Variants in ABHD2 observed in about 807,000 individuals in gnomAD.
ABHD2 encodes abhydrolase domain containing 2, acylglycerol lipase.
ABHD2 carries 20 observed loss-of-function variants against 48.1 expected under a neutral mutation model. That is an observed-to-expected ratio of 0.42 (90% confidence interval 0.29 to 0.60). The LOEUF (loss-of-function observed/expected upper bound fraction) is 0.60, where lower values mean the gene tolerates loss of function less well. Ranked by LOEUF, ABHD2 falls within the 20% of genes least tolerant of loss-of-function variation. The pLI is 0.24. For missense variants in ABHD2, 405 were observed against 550.9 expected (o/e 0.74, Z 2.65); for synonymous variants, 209 against 214.2 (o/e 0.98, Z 0.21).
Position 89,190,198 on chromosome 15 carries a change from C to T in ABHD2, c.927-882C>T, listed in dbSNP as rs75720528. 1.4e-4 allele frequency among the ~76,000 whole-genome samples: 22 copies of T among 152,320 alleles called. No homozygotes were observed. In the East Asian group the frequency reaches 4.2e-3, roughly 29 times the overall value. Reference sequence around the variant, plus strand: ...AACAGGAAGACCCACCATTCAGAAGCCAGAGGCCCTAATCTGTGTCAGAAA... The same window carrying T: ...AACAGGAAGACCCACCATTCAGAAGTCAGAGGCCCTAATCTGTGTCAGAAA... On this transcript the variant is annotated intron_variant, in intron 8 of 10. Coordinates refer to ENST00000352732, the MANE Select transcript of ABHD2 (RefSeq NM_152924.5).
chr15:89,061,797 C>G, the ABHD2 span, among the ~76,000 whole-genome samples: 1 of 152,136 alleles, frequency 6.6e-6, no homozygotes, highest in Non-Finnish European at 1.5e-5. Context: ...TGGTCTTGAA[C>G]TCCTGGGCTT....
the ABHD2 span, among the ~76,000 whole-genome samples, chr15:89,075,012 C>G: frequency 3.0e-4 from 46 of 152,154 alleles, no homozygotes; most frequent in Admixed American, 2.6e-4. This position sits in a 1 kb window ranked among gnomAD's most constrained non-coding sequence, Gnocchi z 4.1. Context: ...TACAGAGACA[C>G]CCAAAGTTTA....
Position 89,175,976 on chromosome 15 carries a change from C to T in ABHD2, c.703C>T (p.Gln235Ter). 1 of 1,611,456 alleles carries T rather than the reference C, an allele frequency of 6.2e-7. No homozygotes were observed. The highest frequency in any genetic ancestry group is 8.5e-7 in the Non-Finnish European group (1 of 1,178,640). The change falls in exon 6 of 11, where the codon CAG (glutamine) becomes TAG (stop). Residue 235 changes from glutamine to a stop codon, truncating the protein, a stop_gained. Transcript: ENST00000352732. LOFTEE classifies it high-confidence loss of function. This position sits in a 1 kb window ranked among gnomAD's most constrained non-coding sequence, Gnocchi z 5.7. ...EKVLCCVSVCQGYSALRAQET... is the reference protein window; with the variant it reads ...EKVLCCVSVC ...GGTCCTGTGCTGCGTCAGCGTGTGC[C>T]AGGGGTACAGTGCACTGAGGTGAGT...
At chr15:89,049,865 T>C in the ABHD2 span, among the ~76,000 whole-genome samples, 1 of 152,232 alleles carries the variant, frequency 6.6e-6, no homozygotes, top group Admixed American at 6.5e-5. Context: ...TCGCTCATGC[T>C]GGGAGCTGTA....
chr15:89,090,679 G>C (rs1417312307), intron 1 of ABHD2, among the ~76,000 whole-genome samples: 1 of 152,170 alleles, frequency 6.6e-6, no homozygotes, highest in Non-Finnish European at 1.5e-5. Context: ...GTTAAAAGCA[G>C]GCAGTGAGGG....
chr15:89,147,847 G>T (rs1431744849), intron 3 of ABHD2, among the ~76,000 whole-genome samples: 1 of 150,902 alleles, frequency 6.6e-6, no homozygotes, highest in Non-Finnish European at 1.5e-5. Context: ...AGTGGCTCAC[G>T]CCTGTAATGC....
chr15:89,187,022 C>A (rs2051221978), intron 7 of ABHD2, among the ~76,000 whole-genome samples: 2 of 152,208 alleles, frequency 1.3e-5, no homozygotes, highest in African/African-American at 4.8e-5. Context: ...GTTTGAGATT[C>A]AGCTGTGTGC....
rs1159471271 is a variant in ABHD2 at position 89,170,974 on chromosome 15, G to A, written c.539-4838G>A. ...CTACTAAAAATACAAAAATTAGCCC[G>A]GCGTGGTGGTGGGCGCCTGTAATCC... On this transcript the variant is annotated intron_variant, in intron 5 of 10. Transcript: ENST00000352732. Among the ~76,000 whole-genome samples the A allele has an allele frequency of 3.3e-5, 5 of 152,030 alleles. No individual in the cohort carries two copies. In the East Asian group the frequency reaches 7.7e-4, roughly 23 times the overall value.
chr15:89,160,436 GA>G (rs1397685379), intron 5 of ABHD2, among the ~76,000 whole-genome samples: 1 of 150,854 alleles, frequency 6.6e-6, no homozygotes, highest in East Asian at 1.9e-4. Context: ...CCTGATATCT[GA>G]TGGTACCAAC....
At position 89,164,522 on chromosome 15, in the gene ABHD2, C is replaced by T. The variant is rs921165488; in HGVS notation, c.538+8988C>T. ...GGCAATAAGTCCCAGCATGGTGGCT[C>T]ACACCTGTAATCCCAGCACTTTGGG... On this transcript the variant is annotated intron_variant, in intron 5 of 10. Transcript: ENST00000352732. This position sits in a 1 kb window ranked among gnomAD's most constrained non-coding sequence, Gnocchi z 5.0. 6.6e-6 allele frequency among the ~76,000 whole-genome samples: 1 copy of T among 152,130 alleles called. No individual in the cohort carries two copies. The highest frequency in any genetic ancestry group is 6.5e-5 in the Admixed American group (1 of 15,278).
Position 89,167,597 on chromosome 15 carries a change from A to G in ABHD2, c.539-8215A>G, listed in dbSNP as rs2050857108. Among the ~76,000 whole-genome samples the G allele has an allele frequency of 6.6e-6, 1 of 152,320 alleles. No homozygotes were observed. The highest frequency in any genetic ancestry group is 2.1e-4 in the South Asian group (1 of 4,830). On this transcript the variant is annotated intron_variant, in intron 5 of 10. Coordinates refer to ENST00000352732, the MANE Select transcript of ABHD2 (RefSeq NM_152924.5). This position sits in a 1 kb window ranked among gnomAD's most constrained non-coding sequence, Gnocchi z 5.5. ...ATAAGAGGGCAGTTTTAGGCATCCT[A>G]TACCTGGGGAAACAAGGCTGAAAAC...
intron 3 of ABHD2, among the ~76,000 whole-genome samples, chr15:89,144,468 C>G (rs540287535): frequency 2.6e-5 from 4 of 152,178 alleles, no homozygotes; most frequent in African/African-American, 9.6e-5. Flanking sequence ...AAAAAATAAA[C>G]AAAATGTGGT....
chr15:89,152,276 T>C (rs111453770), intron 4 of ABHD2, among the ~76,000 whole-genome samples: 90 of 152,242 alleles, frequency 5.9e-4, no homozygotes, highest in African/African-American at 2.1e-3. Context: ...AGACGGGTTT[T>C]AACTGTGTTA....
chr15:89,132,186 G>A (rs1268441074), intron 3 of ABHD2, among the ~76,000 whole-genome samples: 2 of 152,208 alleles, frequency 1.3e-5, no homozygotes, highest in African/African-American at 4.8e-5. Context: ...AGAAAGAGCT[G>A]TCGGGTCAGA....
the ABHD2 span, among the ~76,000 whole-genome samples, chr15:89,080,259 G>A: frequency 3.3e-5 from 5 of 152,054 alleles, no homozygotes; most frequent in Non-Finnish European, 1.5e-5. Flanking sequence ...AGAGGAAGGC[G>A]GTAGATACAG....
chr15:89,073,320 C>T, the ABHD2 span, among the ~76,000 whole-genome samples: 1 of 152,064 alleles, frequency 6.6e-6, no homozygotes, highest in Non-Finnish European at 1.5e-5. Flanking sequence ...GTTTTTGAGA[C>T]AGTCTTGCTC....
chr15:89,099,948 T>C (rs886573196), intron 1 of ABHD2, among the ~76,000 whole-genome samples: 1 of 152,090 alleles, frequency 6.6e-6, no homozygotes, highest in Non-Finnish European at 1.5e-5. Flanking sequence ...GATTTAAAGA[T>C]AACAGTATCA....
intron 3 of ABHD2, among the ~76,000 whole-genome samples, chr15:89,127,725 ATATATATATATATATG>A (rs2050156352): frequency 2.0e-5 from 2 of 101,060 alleles, no homozygotes; most frequent in African/African-American, 7.6e-5. Flanking sequence ...ATATACACAT[ATATATATATATATATG>A]TATATTTTAA....
Position 89,138,243 on chromosome 15 carries a change from T to C in ABHD2, c.195-13434T>C, listed in dbSNP as rs113463301. ...ACACACATGCATGCACATGCACATG[T>C]GCACACACAGGAAGGCCTGGAACTC... On this transcript the variant is annotated intron_variant, in intron 3 of 10. Transcript: ENST00000352732. Among the ~76,000 whole-genome samples, 1,034 of 152,362 alleles carry C rather than the reference T, an allele frequency of 6.8e-3. 13 individuals are homozygous for C. The highest frequency in any genetic ancestry group is 0.024 in the African/African-American group (978 of 41,598).
Sources: gnomAD v4.1 joint callset for allele counts (sites outside exome capture counted in the v4.1 genomes callset) on GRCh38, gnomAD v4.1.1 for gene constraint, Gnocchi (gnomAD v3.1) non-coding constraint, MANE v1.5 for transcripts, NCBI Gene and HGNC (gene_info 2026-07-23, HGNC 2026-07-21) for gene names.